Variants in ANO6 observed in about 807,000 individuals in gnomAD.
ANO6 encodes anoctamin 6, also known as anoctamin-6.
Under a neutral mutation model 117.5 loss-of-function variants are expected in ANO6, and 106 were observed. That is an observed-to-expected ratio of 0.90 (90% CI 0.77 to 1.06). The LOEUF (loss-of-function observed/expected upper bound fraction) is 1.06, where lower values mean the gene tolerates loss of function less well. Among genes scored for constraint, ANO6 ranks in the 50% least tolerant of loss-of-function variants. ANO6 has a pLI of 0.00. For missense variants in ANO6, 955 were observed against 1,121.1 expected (o/e 0.85, Z 2.12); for synonymous variants, 367 against 385.1 (o/e 0.95, Z 0.55).
At chr12:45,238,519 CTAAT>C (rs1308494462) in intron 1 of ANO6, among the ~76,000 whole-genome samples, 2 of 152,192 alleles carry the variant, frequency 1.3e-5, no homozygotes, top group African/African-American at 4.8e-5. Flanking sequence ...TTCTCATTTC[CTAAT>C]TTAATACTCT....
intron 1 of ANO6, among the ~76,000 whole-genome samples, chr12:45,220,539 T>A (rs1176536143): frequency 6.6e-6 from 1 of 152,184 alleles, no homozygotes; most frequent in African/African-American, 2.4e-5. Flanking sequence ...AGTTTCAGGA[T>A]TAGGTGCTGG....
chr12:45,349,954 T>C (rs1202012204), intron 6 of ANO6, among the ~76,000 whole-genome samples: 1 of 152,200 alleles, frequency 6.6e-6, no homozygotes, highest in African/African-American at 2.4e-5. Flanking sequence ...CTCTTCTAAT[T>C]GCAGTGGTCC....
chr12:45,357,921 AAT>A (rs1941455632), intron 8 of ANO6, among the ~76,000 whole-genome samples: 1 of 152,264 alleles, frequency 6.6e-6, no homozygotes, highest in African/African-American at 2.4e-5. Flanking sequence ...TACATTAAAA[AAT>A]AGTTCATACA....
At chr12:45,376,686 A>G (rs1378337217) in intron 9 of ANO6, among the ~76,000 whole-genome samples, 2 of 125,906 alleles carry the variant, frequency 1.6e-5, no homozygotes, top group South Asian at 2.9e-4. Flanking sequence ...GGAACATCAC[A>G]CTCTGGGGAC....
intron 1 of ANO6, among the ~76,000 whole-genome samples, chr12:45,221,839 T>C (rs192623732): frequency 6.7e-5 from 10 of 150,238 alleles, no homozygotes; most frequent in Admixed American, 6.6e-4. Context: ...AATTTTCCCC[T>C]CTGACCATTG....
chr12:45,236,564 T>A (rs986759933), intron 1 of ANO6, among the ~76,000 whole-genome samples: 2 of 150,972 alleles, frequency 1.3e-5, no homozygotes, highest in Non-Finnish European at 2.9e-5. Context: ...GAGCTCATCC[T>A]TTTTTATGGT....
At chr12:45,424,755 T>TG (rs1943458315) in intron 19 of ANO6, among the ~76,000 whole-genome samples, 1 of 151,990 alleles carries the variant, frequency 6.6e-6, no homozygotes, top group African/African-American at 2.4e-5. Flanking sequence ...GACCATGCCT[T>TG]GGGTCAGAAG....
intron 1 of ANO6, among the ~76,000 whole-genome samples, chr12:45,237,257 A>G (rs1208257647): frequency 6.6e-6 from 1 of 152,100 alleles, no homozygotes; most frequent in African/African-American, 2.4e-5. Context: ...ATTTTGGCTT[A>G]TGTTGCCATT....
At chr12:45,322,356 A>G (rs1374769661) in intron 2 of ANO6, among the ~76,000 whole-genome samples, 2 of 152,114 alleles carry the variant, frequency 1.3e-5, no homozygotes, top group African/African-American at 4.8e-5. Flanking sequence ...AAAGGAGTAG[A>G]GAGAGGAAGG....
At chr12:45,314,793 A>G (rs1164253315) in intron 2 of ANO6, among the ~76,000 whole-genome samples, 2 of 152,096 alleles carry the variant, frequency 1.3e-5, no homozygotes, top group Admixed American at 1.3e-4. Context: ...TGTTAACCAC[A>G]TCTACAAAAT....
At chr12:45,390,529 T>G (rs1280580490) in intron 12 of ANO6, 31 bp downstream of exon 12, 13 of 1,578,332 alleles carry the variant, frequency 8.2e-6, no homozygotes, top group Non-Finnish European at 1.1e-5. Flanking sequence ...TTTTGAATGA[T>G]TAAAAATGTT....
At position 45,348,129 on chromosome 12, in the gene ANO6, T is replaced by C. The variant is rs1220341259; in HGVS notation, c.447T>C (p.Asn149=). 6.2e-7 allele frequency: 1 copy of C among 1,614,000 alleles called. No individual in the cohort carries two copies. The highest frequency in any genetic ancestry group is 8.5e-7 in the Non-Finnish European group (1 of 1,180,010). The change falls in exon 5 of 20, where the codon AAT becomes AAC. Residue 149 remains asparagine, a synonymous_variant. Coordinates refer to ENST00000320560, the MANE Select transcript of ANO6 (RefSeq NM_001025356.3). The stretch of plus-strand genomic sequence containing the variant: ...ACATCAAATTGCCTCTGAAACCCAA[T>C]GATCTGAAAAACCGGTCCTCAGCCT... ...IMHIKLPLKP[N]DLKNRSSAFG...
chr12:45,328,962 G>C (rs897067128), intron 2 of ANO6, among the ~76,000 whole-genome samples: 1 of 152,148 alleles, frequency 6.6e-6, no homozygotes, highest in African/African-American at 2.4e-5. Context: ...TAAAGGTTGA[G>C]AGACCATTAA....
chr12:45,408,465 GA>G (rs1044550938), intron 15 of ANO6, among the ~76,000 whole-genome samples: 12 of 152,108 alleles, frequency 7.9e-5, no homozygotes, highest in African/African-American at 2.7e-4. Context: ...CTGAGATAGG[GA>G]AAAAAACATG....
intron 7 of ANO6, among the ~76,000 whole-genome samples, chr12:45,355,721 C>T (rs1162677811): frequency 6.6e-6 from 1 of 152,202 alleles, no homozygotes; most frequent in East Asian, 1.9e-4. Context: ...AGGTCTGTCT[C>T]AGCTCTTCCT....
chr12:45,324,160 C>G (rs1277999509), intron 2 of ANO6, among the ~76,000 whole-genome samples: 5 of 152,084 alleles, frequency 3.3e-5, no homozygotes, highest in Non-Finnish European at 5.9e-5. Flanking sequence ...TCTCGAACTC[C>G]TGACCTCAGG....
chr12:45,429,195 C>G lies in ANO6; in HGVS notation c.2617C>G (p.Leu873Val). The change falls in exon 20 of 20, where the codon CTA becomes GTA. Residue 873 changes from leucine (L) to valine (V), a missense_variant. By Grantham distance (32) the Leu-to-Val change is conservative. Coordinates refer to ENST00000320560, the MANE Select transcript of ANO6 (RefSeq NM_001025356.3). The part of the protein sequence containing the change: ...TKSKIQREKY[L>V]TQKLLHENHL... ...GAGCAAGATCCAGAGAGAAAAATAC[C>G]TAACCCAAAAGCTTCTTCATGAGAA... 6.2e-7 allele frequency: 1 copy of G among 1,613,864 alleles called. No individual in the cohort carries two copies. The highest frequency in any genetic ancestry group is 8.5e-7 in the Non-Finnish European group (1 of 1,179,922).
At chr12:45,312,475 C>T (rs1348504788) in intron 2 of ANO6, among the ~76,000 whole-genome samples, 1 of 152,000 alleles carries the variant, frequency 6.6e-6, no homozygotes, top group East Asian at 1.9e-4. Context: ...TCAGCTTCTG[C>T]CATCCCTCCT....
At chr12:45,360,917 C>T (rs557504361) in intron 8 of ANO6, among the ~76,000 whole-genome samples, 1 of 152,308 alleles carries the variant, frequency 6.6e-6, no homozygotes, top group East Asian at 1.9e-4. Flanking sequence ...TTTATAGACT[C>T]AGTTGTTTTC....
Sources: gnomAD v4.1 joint callset for allele counts (sites outside exome capture counted in the v4.1 genomes callset) on GRCh38, gnomAD v4.1.1 for gene constraint, MANE v1.5 for transcripts, NCBI Gene and HGNC (gene_info 2026-07-23, HGNC 2026-07-21) for gene names.